Variants in IP6K3 observed in about 807,000 individuals in gnomAD.
IP6K3 encodes inositol hexakisphosphate kinase 3.
In IP6K3, 20 loss-of-function variants were observed where a neutral mutation model predicts 28.8. The observed-to-expected ratio is 0.70, with a 90% CI of 0.49 to 1.01. IP6K3 has a LOEUF of 1.01. Among genes scored for constraint, IP6K3 ranks in the 50% least tolerant of loss-of-function variants. The pLI is 0.00. For missense variants in IP6K3, 480 were observed against 537.1 expected (o/e 0.89, Z 1.05); for synonymous variants, 213 against 221.3 (o/e 0.96, Z 0.33).
At chr6:33,725,666 C>T in intron 4 of IP6K3, 50 bp from the exon 5 acceptor site, 1 of 1,552,718 alleles carries the variant, frequency 6.4e-7, no homozygotes, top group South Asian at 1.2e-5. Flanking sequence ...AACTGCTGCT[C>T]CGCCAGAGGT....
upstream of IP6K3, among the ~76,000 whole-genome samples, chr6:33,748,642 C>CAAAAAAAAAA (rs35735336): frequency 5.2e-5 from 2 of 38,338 alleles, no homozygotes; most frequent in African/African-American, 9.8e-5. Context: ...ACCCTGTCTC[C>CAAAAAAAAAA]AAAAAAAAAA....
At chr6:33,726,683 C>CT (rs1766124663) in intron 4 of IP6K3, 48 bp downstream of exon 4, 1 of 1,510,626 alleles carries the variant, frequency 6.6e-7, no homozygotes, top group African/African-American at 1.4e-5. Flanking sequence ...CTGTGTCTCT[C>CT]TGTCGCCCCG....
At chr6:33,755,446 G>A in the IP6K3 span, among the ~76,000 whole-genome samples, 1 of 152,260 alleles carries the variant, frequency 6.6e-6, no homozygotes, top group Non-Finnish European at 1.5e-5. Context: ...GGCAGGGTTG[G>A]GAGGCTGGGT....
chr6:33,725,544 C>T lies in IP6K3; in HGVS notation c.662G>A (p.Arg221Gln), dbSNP rs564909198. 1.7e-5 allele frequency: 28 copies of T among 1,614,132 alleles called. No individual in the cohort carries two copies. Among genetic ancestry groups the T allele is most frequent in the South Asian group, 1.5e-4 (14 of 91,084 alleles). ...CTCCGATGCATCATCGCCGTGCTGC[C>T]GGGTCCCCATCTTCAGATCCAGGAC... ...PCVLDLKMGT[R>Q]QHGDDASEEK... The change falls in exon 5 of 6, where the codon CGG becomes CAG. Residue 221 changes from arginine to glutamine, a missense_variant. Coordinates refer to ENST00000293756, the MANE Select transcript of IP6K3 (RefSeq NM_054111.5).
intron 5 of IP6K3, among the ~76,000 whole-genome samples, chr6:33,724,148 T>C (rs1766014188): frequency 6.6e-6 from 1 of 152,350 alleles, no homozygotes; most frequent in South Asian, 2.1e-4. Flanking sequence ...ATAGCCTTAG[T>C]GTTGCCTTTG....
the IP6K3 span, among the ~76,000 whole-genome samples, chr6:33,752,463 G>T: frequency 4.6e-5 from 7 of 152,246 alleles, no homozygotes; most frequent in Non-Finnish European, 8.8e-5. Flanking sequence ...ACTCTTGTTG[G>T]TTTGACAGCT....
chr6:33,727,781 T>G, intron 3 of IP6K3: 1 of 966,308 alleles, frequency 1.0e-6, no homozygotes, highest in Non-Finnish European at 1.2e-6. Flanking sequence ...CCAGAGACAC[T>G]TCATGGTCTC....
chr6:33,731,998 G>C (rs146309320), intron 2 of IP6K3, among the ~76,000 whole-genome samples: 81 of 152,306 alleles, frequency 5.3e-4, no homozygotes, highest in Admixed American at 1.2e-3. Context: ...AGCACTTTTG[G>C]TTTGGCCGAG....
intron 3 of IP6K3, 77 bp from the exon 4 acceptor site, chr6:33,726,983 C>T: frequency 7.1e-7 from 1 of 1,418,090 alleles, no homozygotes; most frequent in Admixed American, 2.1e-5. Flanking sequence ...TGACTGGGCT[C>T]TCTGAGATGG....
the IP6K3 span, among the ~76,000 whole-genome samples, chr6:33,760,579 G>A: frequency 0.023 from 3,448 of 152,306 alleles, 72 homozygotes; most frequent in Non-Finnish European, 0.031. Context: ...CCAGGCTGGA[G>A]AGCAGTGGTG....
At chr6:33,738,390 C>T (rs1486191705) in intron 1 of IP6K3, among the ~76,000 whole-genome samples, 1 of 152,256 alleles carries the variant, frequency 6.6e-6, no homozygotes, top group Non-Finnish European at 1.5e-5. Context: ...TCGTCTTTCC[C>T]CAGCTCACAT....
chr6:33,740,369 C>CCAGGAG (rs1766674544), intron 1 of IP6K3, among the ~76,000 whole-genome samples: 1 of 152,240 alleles, frequency 6.6e-6, no homozygotes, highest in South Asian at 2.1e-4. Context: ...CGCTGGGCCT[C>CCAGGAG]ACTCCAGGAG....
chr6:33,757,519 G>A, the IP6K3 span, among the ~76,000 whole-genome samples: 27 of 152,322 alleles, frequency 1.8e-4, no homozygotes, highest in Admixed American at 1.2e-3. Flanking sequence ...CAATTGGGCC[G>A]TGAGCTTTTT....
intron 2 of IP6K3, among the ~76,000 whole-genome samples, chr6:33,731,119 C>T (rs1450277510): frequency 6.6e-6 from 1 of 152,144 alleles, no homozygotes; most frequent in Non-Finnish European, 1.5e-5. Flanking sequence ...TTTCCAGGTG[C>T]GAGAAGGGGA....
rs74664056 is a variant in IP6K3, at chr6:33,745,821, C to G, written c.-180+937G>C. 1.9e-3 allele frequency among the ~76,000 whole-genome samples: 287 copies of G among 152,248 alleles called. 1 individual carries two copies. The highest frequency in any genetic ancestry group is 2.4e-3 in the Non-Finnish European group (161 of 68,014). On this transcript the variant is annotated intron_variant, in intron 1 of 5. Transcript: ENST00000293756. ...AGGCGTGCTGTGATGTCAGAACACT[C>G]TAGCTGTAGCGTATTCAATGAAACA...
intron 1 of IP6K3, among the ~76,000 whole-genome samples, chr6:33,736,422 A>G (rs1561907385): frequency 6.6e-6 from 1 of 151,158 alleles, no homozygotes; most frequent in Non-Finnish European, 1.5e-5. Context: ...TTATTTATTT[A>G]GAGACAGAGT....
rs1369362976 is a variant in IP6K3 at position 33,744,957 on chromosome 6, C to G, written c.-180+1801G>C. On this transcript the variant is annotated intron_variant, in intron 1 of 5. Coordinates refer to ENST00000293756, the MANE Select transcript of IP6K3 (RefSeq NM_054111.5). This position sits in a 1 kb window ranked among gnomAD's most constrained non-coding sequence, Gnocchi z 4.4. ...GGATGGGGTCTCCAGCGATCTCCACCCCATCTGTCCATCCCGCCCAGGCTG... is the reference window on the plus strand; with the variant it reads ...GGATGGGGTCTCCAGCGATCTCCACGCCATCTGTCCATCCCGCCCAGGCTG... Among the ~76,000 whole-genome samples the G allele has an allele frequency of 6.6e-6, 1 of 152,202 alleles. No individual in the cohort carries two copies. Among genetic ancestry groups the G allele is most frequent in the Non-Finnish European group, 1.5e-5 (1 of 68,028 alleles).
rs1279548196 is a variant in IP6K3 at position 33,726,826 on chromosome 6, T to C, written c.494A>G (p.Gln165Arg). Residue 165 changes from glutamine to arginine, a missense_variant, in exon 4 of 6, where the codon CAG becomes CGG. Transcript: ENST00000293756. ...CGGGTTGAAGCTCTTCCTCTCAACC[T>C]GGTTTCCGTTGGTGTCTTCCACCAG... ...FSLVEDTNGN[Q>R]VERKSFNPWG... The C allele has an allele frequency of 6.2e-7, 1 of 1,613,570 alleles. No individual in the cohort carries two copies. Among genetic ancestry groups the C allele is most frequent in the Non-Finnish European group, 8.5e-7 (1 of 1,179,586 alleles).
chr6:33,727,001 A>C lies in IP6K3; in HGVS notation c.414-95T>G, dbSNP rs149376768. ...CTGGGCTCTCTGAGATGGGCTCTGA[A>C]AGGGTGGTCCCAGCTGCTCTCCAGG... On this transcript the variant is annotated intron_variant, in intron 3 of 5. Coordinates refer to ENST00000293756, the MANE Select transcript of IP6K3 (RefSeq NM_054111.5). 2.7e-3 allele frequency: 3,565 copies of C among 1,323,774 alleles called. 33 individuals are homozygous for C. Among genetic ancestry groups the C allele is most frequent in the African/African-American group, 0.02 (1,329 of 67,332 alleles). 82.0% of individuals were successfully genotyped at this position (1,323,774 alleles called of 1,614,324 possible). A position where few individuals can be genotyped will look rare whatever the true frequency, so the allele number is the denominator to read the frequency against.
Sources: gnomAD v4.1 joint callset for allele counts (sites outside exome capture counted in the v4.1 genomes callset) on GRCh38, gnomAD v4.1.1 for gene constraint, Gnocchi (gnomAD v3.1) non-coding constraint, MANE v1.5 for transcripts, NCBI Gene and HGNC (gene_info 2026-07-23, HGNC 2026-07-21) for gene names.